The following RBFOX1 variants were observed in gnomAD, a reference collection of about 807,000 sequenced individuals.
The protein encoded by RBFOX1 is RNA binding protein fox-1 homolog 1.
In RBFOX1, 8 loss-of-function variants were observed where a neutral mutation model predicts 57.7. The ratio of observed to expected loss-of-function variants is 0.14; its 90% confidence interval spans 0.08 to 0.25. The LOEUF is 0.25. RBFOX1 is among the 10% of genes least tolerant of loss of function. The pLI is 1.00. For synonymous variants in RBFOX1, 326 were observed against 222.4 expected (o/e 1.47, Z -4.15); for missense variants, 611 against 548.5 (o/e 1.11, Z -1.14).
intron 2 of RBFOX1, among the ~76,000 whole-genome samples, chr16:5,580,909 A>G (rs560508470): frequency 6.6e-6 from 1 of 152,310 alleles, no homozygotes; most frequent in South Asian, 2.1e-4. Flanking sequence ...CTTCCCAGTC[A>G]TTCTATGGAT....
Position 7,422,294 on chromosome 16 carries a change from C to G in RBFOX1, c.28-95853C>G, listed in dbSNP as rs150287298. ...ATTTCCTTTCATATCATGTAGGCGT[C>G]TATACCATGCCACCCACACAGGAGA... On this transcript the variant is annotated intron_variant, in intron 4 of 15. Transcript: ENST00000550418. 2.4e-4 allele frequency among the ~76,000 whole-genome samples: 37 copies of G among 152,254 alleles called. No homozygotes were observed. In the East Asian group the frequency reaches 7.1e-3, roughly 29 times the overall value.
chr16:5,480,033 G>A (rs1319406810), intron 2 of RBFOX1, among the ~76,000 whole-genome samples: 2 of 152,026 alleles, frequency 1.3e-5, no homozygotes, highest in East Asian at 3.9e-4. Flanking sequence ...TCCTGTTCAG[G>A]GTCAGAAAGT....
Position 7,333,256 on chromosome 16 carries a change from A to G in RBFOX1, c.28-184891A>G, listed in dbSNP as rs185340450. On this transcript the variant is annotated intron_variant, in intron 4 of 15. Coordinates refer to ENST00000550418, the MANE Select transcript of RBFOX1 (RefSeq NM_018723.4). ...AAAGATGGATCACCCTAATCTAGCT[A>G]TCGACATCTCTCATGGCTGAATAAA... Among the ~76,000 whole-genome samples the G allele has an allele frequency of 3.3e-5, 5 of 152,352 alleles. No individual in the cohort carries two copies. The East Asian group carries it at 7.7e-4, about 23-fold the overall frequency.
In RBFOX1 at chr16:7,691,796, G is replaced by T. The variant is rs181139186; in HGVS notation, c.995+14958G>T. On this transcript the variant is annotated intron_variant, in intron 14 of 15. Coordinates refer to ENST00000550418, the MANE Select transcript of RBFOX1 (RefSeq NM_018723.4). ...GTTCTAGGATTAGGCAGTAGAAATTGGGTAGAGCTGCCCCACCCTCCTGCC... is the reference window on the plus strand; with the variant it reads ...GTTCTAGGATTAGGCAGTAGAAATTTGGTAGAGCTGCCCCACCCTCCTGCC... Among the ~76,000 whole-genome samples, 486 of 152,250 alleles carry T rather than the reference G, an allele frequency of 3.2e-3. 3 individuals are homozygous for T. Among genetic ancestry groups the T allele is most frequent in the African/African-American group, 0.011 (470 of 41,552 alleles).
intron 3 of RBFOX1, among the ~76,000 whole-genome samples, chr16:6,895,818 T>G (rs2066759500): frequency 1.3e-5 from 2 of 152,024 alleles, no homozygotes; most frequent in Non-Finnish European, 2.9e-5. Flanking sequence ...CTTGAGCAAT[T>G]TGTTTAAACC....
chr16:6,418,717 G>C (rs1163609582), intron 2 of RBFOX1, among the ~76,000 whole-genome samples: 1 of 151,784 alleles, frequency 6.6e-6, no homozygotes, highest in Non-Finnish European at 1.5e-5. Context: ...TTATAGAGAT[G>C]GGATCACACT....
intron 1 of RBFOX1, among the ~76,000 whole-genome samples, chr16:6,238,604 A>G (rs530023243): frequency 9.2e-5 from 14 of 152,112 alleles, no homozygotes; most frequent in African/African-American, 3.4e-4. Context: ...AATTCGAATC[A>G]GTTGGGAATG....
chr16:5,316,938 G>T (rs2064256194), intron 1 of RBFOX1, among the ~76,000 whole-genome samples: 1 of 152,168 alleles, frequency 6.6e-6, no homozygotes, highest in Non-Finnish European at 1.5e-5. Context: ...AAAAGGTAAA[G>T]GAAGGGTGAA....
At position 6,710,981 on chromosome 16, in the gene RBFOX1, C is replaced by G. The variant is rs74786941; in HGVS notation, c.-16+56331C>G. ...GGGAGTGCAATTCCCCAAAGAAGCT[C>G]TACTGAGCGGAAAAATGGCACATAC... On this transcript the variant is annotated intron_variant, in intron 3 of 15. Coordinates refer to ENST00000550418, the MANE Select transcript of RBFOX1 (RefSeq NM_018723.4). Among the ~76,000 whole-genome samples, 267 of 152,292 alleles carry G rather than the reference C, an allele frequency of 1.8e-3. No homozygotes were observed. The East Asian group carries it at 0.031, about 18-fold the overall frequency.
intron 2 of RBFOX1, among the ~76,000 whole-genome samples, chr16:5,471,242 G>A (rs2069124396): frequency 6.6e-6 from 1 of 152,224 alleles, no homozygotes; most frequent in Non-Finnish European, 1.5e-5. Flanking sequence ...TGAGAAAATG[G>A]GAATTCCTAT....
chr16:6,747,194 G>A (rs112519725), intron 3 of RBFOX1, among the ~76,000 whole-genome samples: 1 of 152,096 alleles, frequency 6.6e-6, no homozygotes, highest in Non-Finnish European at 1.5e-5. Flanking sequence ...CAGATCACAA[G>A]GTCAGGAGTT....
At chr16:6,583,704 C>T (rs2097568294) in intron 2 of RBFOX1, among the ~76,000 whole-genome samples, 1 of 152,176 alleles carries the variant, frequency 6.6e-6, no homozygotes. Context: ...GAAAACTGAA[C>T]TGAAGTAGTA....
intron 3 of RBFOX1, among the ~76,000 whole-genome samples, chr16:5,843,578 T>C (rs1347485604): frequency 6.6e-6 from 1 of 152,196 alleles, no homozygotes; most frequent in Admixed American, 6.5e-5. Flanking sequence ...CGATTTCATG[T>C]CTTTGTTACT....
chr16:5,285,773 T>A (rs1041998808), intron 1 of RBFOX1, among the ~76,000 whole-genome samples: 1 of 152,148 alleles, frequency 6.6e-6, no homozygotes, highest in Non-Finnish European at 1.5e-5. Context: ...GCAGTTTTTT[T>A]TTGTTGTTGT....
chr16:6,988,740 TTTGTTTGTTTGTTTTTTG>T (rs2090853972), intron 3 of RBFOX1, among the ~76,000 whole-genome samples: 1 of 66,856 alleles, frequency 1.5e-5, no homozygotes, highest in African/African-American at 6.1e-5. Flanking sequence ...AATTTTTTTT[TTTGTTTGTTTGTTTTTTG>T]TTTTTTGTTT....
At chr16:6,500,035 A>G (rs186930058) in intron 2 of RBFOX1, among the ~76,000 whole-genome samples, 1 of 152,202 alleles carries the variant, frequency 6.6e-6, no homozygotes, top group East Asian at 1.9e-4. Flanking sequence ...AATTAGCACA[A>G]TGTTTTATTT....
intron 4 of RBFOX1, among the ~76,000 whole-genome samples, chr16:7,113,685 C>G (rs2065262636): frequency 6.6e-6 from 1 of 152,180 alleles, no homozygotes; most frequent in Non-Finnish European, 1.5e-5. Flanking sequence ...GAGATTGTTG[C>G]ATGTCAACAT....
chr16:6,919,888 A>C (rs946791242), intron 3 of RBFOX1, among the ~76,000 whole-genome samples: 4 of 150,506 alleles, frequency 2.7e-5, no homozygotes, highest in African/African-American at 9.8e-5. Flanking sequence ...CCATCACCTG[A>C]GCAGTGTACA....
At chr16:6,241,993 ACATT>A (rs1357996214) in intron 1 of RBFOX1, among the ~76,000 whole-genome samples, 1 of 152,204 alleles carries the variant, frequency 6.6e-6, no homozygotes, top group Non-Finnish European at 1.5e-5. Flanking sequence ...ACAGAAAAGA[ACATT>A]CATATTTTGC....
Sources: allele counts gnomAD v4.1 joint callset (sites outside exome capture counted in the v4.1 genomes callset), GRCh38; gene constraint gnomAD v4.1.1; transcripts MANE v1.5; gene names NCBI Gene and HGNC (gene_info 2026-07-23, HGNC 2026-07-21).